PCDHA10: variants seen among roughly 807,000 people sequenced by gnomAD.
PCDHA10 encodes the protein protocadherin alpha-10.
In PCDHA10, 45 loss-of-function variants were observed where a neutral mutation model predicts 61.2. The ratio of observed to expected loss-of-function variants is 0.74; its 90% CI spans 0.58 to 0.94. The LOEUF (loss-of-function observed/expected upper bound fraction) is 0.94. Among genes scored for constraint, PCDHA10 ranks in the 40% least tolerant of loss-of-function variants. The probability of loss-of-function intolerance (pLI) is 0.00; values close to 1 mark genes in which losing one functional copy is unlikely to be tolerated. For missense variants in PCDHA10, 1,278 were observed against 1,236.2 expected, an observed-to-expected ratio of 1.03 and a Z score of -0.51; for synonymous variants, 602 against 548.8, an observed-to-expected ratio of 1.10 and a Z score of -1.35.
At chr5:140,898,705 A>G (rs1351081569) in intron 1 of PCDHA10, among the ~76,000 whole-genome samples, 2 of 152,142 alleles carry the variant, frequency 1.3e-5, no homozygotes, top group African/African-American at 4.8e-5. Flanking sequence ...ACTTTAAAGT[A>G]GTTTTTTCCA....
chr5:141,005,034 T>C (rs1435712039), intron 3 of PCDHA10, among the ~76,000 whole-genome samples: 1 of 152,222 alleles, frequency 6.6e-6, no homozygotes, highest in Non-Finnish European at 1.5e-5. Flanking sequence ...ATTGCCCATA[T>C]GTGATACCAT....
intron 1 of PCDHA10, among the ~76,000 whole-genome samples, chr5:140,934,797 T>G (rs1045887352): frequency 2.4e-4 from 36 of 152,236 alleles, no homozygotes; most frequent in Admixed American, 1.4e-3. Context: ...CAATTATCTT[T>G]TTAATGATCA....
intron 2 of PCDHA10, 125 bp downstream of exon 2, chr5:140,979,132 A>T: frequency 4.8e-6 from 7 of 1,471,500 alleles, no homozygotes; most frequent in Non-Finnish European, 6.3e-6. Context: ...TGCCAGGAAA[A>T]TGCAATTATT....
At chr5:140,927,651 C>A in intron 1 of PCDHA10, 2 of 1,614,216 alleles carry the variant, frequency 1.2e-6, no homozygotes, top group Non-Finnish European at 1.7e-6. Context: ...CTGTGTTATT[C>A]CGAGTTCAAG....
chr5:140,911,055 G>A lies in PCDHA10; in HGVS notation c.2388+52619G>A, dbSNP rs576580251. The stretch of plus-strand genomic sequence containing the variant: ...CTAGAAGCAAACAGGGGTGGTGGGG[G>A]GTGGGTCCTGAGGAGAATCAACATT... On this transcript the variant is annotated intron_variant, in intron 1 of 3. Transcript: ENST00000307360. 5.3e-5 allele frequency among the ~76,000 whole-genome samples: 8 copies of A among 152,158 alleles called. 1 individual carries two copies. The highest frequency in any genetic ancestry group is 5.2e-4 in the Admixed American group (8 of 15,266).
chr5:140,971,958 CT>C (rs1176007834), intron 1 of PCDHA10, among the ~76,000 whole-genome samples: 2 of 152,172 alleles, frequency 1.3e-5, no homozygotes, highest in African/African-American at 2.4e-5. Context: ...ACTCCAAAAA[CT>C]TTTTTTCAAT....
chr5:140,978,424 T>C (rs1554239310), intron 1 of PCDHA10, among the ~76,000 whole-genome samples: 1 of 152,238 alleles, frequency 6.6e-6, no homozygotes, highest in African/African-American at 2.4e-5. Flanking sequence ...GAGACTGTTA[T>C]CAGTTGCTGG....
At chr5:140,884,252 A>T (rs782059444) in intron 1 of PCDHA10, 36 of 1,613,334 alleles carry the variant, frequency 2.2e-5, no homozygotes, top group Non-Finnish European at 2.9e-5. Context: ...GCTGACGGCC[A>T]CGGCAACGGT....
In PCDHA10 at chr5:140,884,535, C is replaced by A. The variant is rs142468733; in HGVS notation, c.2388+26099C>A. 15 of 1,614,034 alleles carry A rather than the reference C, an allele frequency of 9.3e-6. No individual in the cohort carries two copies. The South Asian group carries it at 1.5e-4, about 17-fold the overall frequency. ...TGGTCGTACTCGCAGCAGAGGCGGCCGAGGGTGTGCTCTGGGGAGGGCCCG... is the reference window on the plus strand; with the variant it reads ...TGGTCGTACTCGCAGCAGAGGCGGCAGAGGGTGTGCTCTGGGGAGGGCCCG... On this transcript the variant is annotated intron_variant, in intron 1 of 3. Transcript: ENST00000307360.
At chr5:140,985,557 G>A (rs1190905215) in intron 3 of PCDHA10, among the ~76,000 whole-genome samples, 1 of 152,118 alleles carries the variant, frequency 6.6e-6, no homozygotes, top group East Asian at 1.9e-4. Context: ...GCTTCCAAAA[G>A]GCTTCTTTCT....
intron 1 of PCDHA10, among the ~76,000 whole-genome samples, chr5:140,879,771 G>A (rs1413027496): frequency 6.6e-6 from 1 of 152,156 alleles, no homozygotes; most frequent in Admixed American, 6.5e-5. Flanking sequence ...GGAGGCCCCA[G>A]GGAAGAATCT....
intron 1 of PCDHA10, among the ~76,000 whole-genome samples, chr5:140,941,561 C>T (rs782382112): frequency 2.1e-4 from 32 of 151,880 alleles, no homozygotes; most frequent in Middle Eastern, 3.2e-3. Context: ...GTGATCCATT[C>T]GCCTCAGCCT....
intron 1 of PCDHA10, among the ~76,000 whole-genome samples, chr5:140,953,875 C>T (rs1054189459): frequency 4.6e-5 from 7 of 152,088 alleles, no homozygotes; most frequent in Admixed American, 4.6e-4. Context: ...CTGCACAGAT[C>T]AACCCATCAC....
At chr5:140,869,218 G>A in intron 1 of PCDHA10, 1 of 1,613,824 alleles carries the variant, frequency 6.2e-7, no homozygotes, top group Non-Finnish European at 8.5e-7. Context: ...CTCGGAGGAG[G>A]CCAAACACGG....
intron 1 of PCDHA10, chr5:140,863,368 C>A (rs1562578744): frequency 8.4e-7 from 1 of 1,192,682 alleles, no homozygotes; most frequent in Non-Finnish European, 1.2e-6. Flanking sequence ...GTGCTTGGCG[C>A]AGCTCACCGA....
chr5:140,882,814 A>AGT, intron 1 of PCDHA10: 3 of 1,614,248 alleles, frequency 1.9e-6, no homozygotes, highest in Non-Finnish European at 2.5e-6. Context: ...CTTTGGACGC[A>AGT]CAAAACAGTC....
intron 1 of PCDHA10, chr5:140,875,795 T>C (rs782073142): frequency 1.2e-6 from 2 of 1,613,786 alleles, no homozygotes. Context: ...CACCTGGAGG[T>C]GATCGTGGAC....
At chr5:140,952,921 A>G (rs1385762046) in intron 1 of PCDHA10, among the ~76,000 whole-genome samples, 4 of 152,138 alleles carry the variant, frequency 2.6e-5, no homozygotes, top group African/African-American at 4.8e-5. Context: ...ACATGGCATG[A>G]GCAGGAGCAG....
At chr5:140,885,270 A>G (rs251381) in intron 1 of PCDHA10, among the ~76,000 whole-genome samples, 102,023 of 151,894 alleles carry the variant, frequency 0.67, 34,437 homozygotes, top group Middle Eastern at 0.71. Flanking sequence ...ACTCATACAT[A>G]TATATATACA....
Sources: gnomAD v4.1 joint callset for allele counts (sites outside exome capture counted in the v4.1 genomes callset) on GRCh38, gnomAD v4.1.1 for gene constraint, MANE v1.5 for transcripts, NCBI Gene and HGNC (gene_info 2026-07-23, HGNC 2026-07-21) for gene names.